TENM2: variants seen among roughly 807,000 people sequenced by gnomAD.
TENM2 encodes teneurin-2.
In TENM2, 52 loss-of-function variants were observed where a neutral mutation model predicts 245.2. That is an observed-to-expected ratio of 0.21 (90% confidence interval 0.17 to 0.27). TENM2 has a LOEUF of 0.27. Ranked by LOEUF, TENM2 falls within the 10% of genes least tolerant of loss-of-function variation. The probability of loss-of-function intolerance (pLI) is 1.00; values close to 1 mark genes in which losing one functional copy is unlikely to be tolerated. For missense variants in TENM2, 3,046 were observed against 3,666.8 expected, an observed-to-expected ratio of 0.83 and a Z score of 4.37; for synonymous variants, 1,363 against 1,438.9, an observed-to-expected ratio of 0.95 and a Z score of 1.19.
At chr5:167,820,134 C>G (rs77122124) in intron 2 of TENM2, among the ~76,000 whole-genome samples, 3,849 of 152,100 alleles carry the variant, frequency 0.025, 93 homozygotes, top group Non-Finnish European at 0.03. Context: ...TCCCTGGGCT[C>G]ATTTGCTGTG....
intron 24 of TENM2, among the ~76,000 whole-genome samples, 185 bp from the exon 27 acceptor site, chr5:168,227,710 A>T (rs1046860768): frequency 2.0e-5 from 3 of 152,068 alleles, no homozygotes; most frequent in African/African-American, 7.2e-5. Context: ...CTTTACGTGG[A>T]TCAGTAGTAT....
At chr5:168,205,226 AAG>A (rs1242389202) in intron 19 of TENM2, among the ~76,000 whole-genome samples, 1 of 152,156 alleles carries the variant, frequency 6.6e-6, no homozygotes, top group Non-Finnish European at 1.5e-5. Flanking sequence ...TCTGTAATCA[AAG>A]AGAGAAATAA....
intron 2 of TENM2, among the ~76,000 whole-genome samples, chr5:167,433,116 A>ATT (rs141516514): frequency 0.048 from 7,261 of 151,676 alleles, 231 homozygotes; most frequent in African/African-American, 0.095. Flanking sequence ...ATAAATATTG[A>ATT]ATTTTTTTTT....
At chr5:167,577,084 T>G (rs897271934) in intron 2 of TENM2, among the ~76,000 whole-genome samples, 3 of 152,154 alleles carry the variant, frequency 2.0e-5, no homozygotes, top group African/African-American at 7.2e-5. Context: ...TTGTAATCAC[T>G]GTGATAAAAT....
intron 5 of TENM2, among the ~76,000 whole-genome samples, chr5:168,018,254 A>G (rs1355300227): frequency 6.6e-6 from 1 of 151,836 alleles, no homozygotes; most frequent in African/African-American, 2.4e-5. Flanking sequence ...CTCTCTCTGA[A>G]TTTATCCAGC....
chr5:167,239,832 G>A, the TENM2 span, among the ~76,000 whole-genome samples: 1 of 152,178 alleles, frequency 6.6e-6, no homozygotes, highest in Admixed American at 6.5e-5. Context: ...GAGTGCAATG[G>A]CGTGATCTCA....
intron 9 of TENM2, among the ~76,000 whole-genome samples, chr5:168,100,619 C>T (rs1481928507): frequency 1.3e-5 from 2 of 152,214 alleles, no homozygotes; most frequent in South Asian, 2.1e-4. Context: ...TTATTCTCAA[C>T]AAACTAACAC....
intron 2 of TENM2, chr5:167,653,740 A>G (rs1334964023): frequency 6.6e-6 from 1 of 152,178 alleles, no homozygotes. Context: ...ACCAATCAAT[A>G]CGCTACATTT....
the TENM2 span, among the ~76,000 whole-genome samples, chr5:167,051,142 A>G: frequency 6.6e-6 from 1 of 151,966 alleles, no homozygotes; most frequent in Non-Finnish European, 1.5e-5. Flanking sequence ...ATATATGTGA[A>G]CTACTCCAAA....
rs569444619 is a variant in TENM2, at chr5:168,221,971, G to A, written c.5108+2972G>A. On this transcript the variant is annotated intron_variant, in intron 23 of 28. Coordinates refer to ENST00000518659, the Ensembl canonical transcript of TENM2. ...TGCAAATTAACAACAGGAGCCCTGT[G>A]CTAATCCACTGAGATAATACATTTT... is the stretch of plus-strand genomic sequence containing the variant. Among the ~76,000 whole-genome samples the A allele has an allele frequency of 3.9e-5, 6 of 152,280 alleles. No homozygotes were observed. In the East Asian group the frequency reaches 7.7e-4, roughly 20 times the overall value.
At chr5:167,021,617 A>T in the TENM2 span, among the ~76,000 whole-genome samples, 1 of 152,204 alleles carries the variant, frequency 6.6e-6, no homozygotes, top group Non-Finnish European at 1.5e-5. Context: ...CTTTTTGTAT[A>T]TAGCAGATCT....
chr5:167,404,213 CAG>C (rs1762510077), intron 2 of TENM2, among the ~76,000 whole-genome samples: 1 of 130,810 alleles, frequency 7.6e-6, no homozygotes, highest in Non-Finnish European at 1.8e-5. Context: ...AGAAGAGTGG[CAG>C]AGAGAGGCAC....
intron 13 of TENM2, chr5:168,185,196 C>T (rs996420819): frequency 1.3e-5 from 2 of 152,192 alleles, no homozygotes; most frequent in Non-Finnish European, 2.9e-5. Context: ...AGCGTCACCC[C>T]TCCTAATAAT....
the TENM2 span, among the ~76,000 whole-genome samples, chr5:167,253,469 C>A: frequency 1.5e-4 from 23 of 151,792 alleles, no homozygotes; most frequent in Non-Finnish European, 2.8e-4. Flanking sequence ...AAAAAAGTGA[C>A]CTCTCAAAGT....
At chr5:167,671,778 T>G (rs2150352410) in intron 2 of TENM2, among the ~76,000 whole-genome samples, 1 of 150,032 alleles carries the variant, frequency 6.7e-6, no homozygotes, top group Non-Finnish European at 1.5e-5. Context: ...ATATATTATA[T>G]ATTTATATAT....
chr5:167,075,224 G>A, the TENM2 span, among the ~76,000 whole-genome samples: 1 of 152,056 alleles, frequency 6.6e-6, no homozygotes, highest in Non-Finnish European at 1.5e-5. Context: ...GAGTTTCATG[G>A]GGGAGAACCT....
At chr5:167,211,462 G>A in the TENM2 span, among the ~76,000 whole-genome samples, 1 of 152,180 alleles carries the variant, frequency 6.6e-6, no homozygotes, top group Non-Finnish European at 1.5e-5. Context: ...ATACATTTAG[G>A]CATAACAGAT....
intron 2 of TENM2, among the ~76,000 whole-genome samples, chr5:167,796,042 T>C (rs553658655): frequency 2.6e-5 from 4 of 152,208 alleles, no homozygotes; most frequent in South Asian, 4.2e-4. Flanking sequence ...CTATGGATGC[T>C]AGAGAAAGTA....
At chr5:168,056,274 C>T (rs945814899) in intron 6 of TENM2, among the ~76,000 whole-genome samples, 3 of 152,224 alleles carry the variant, frequency 2.0e-5, no homozygotes, top group African/African-American at 7.2e-5. Context: ...TACAGAAAAA[C>T]ACCTTTTCTT....
Sources: allele counts gnomAD v4.1 joint callset (sites outside exome capture counted in the v4.1 genomes callset), GRCh38; gene constraint gnomAD v4.1.1; transcripts MANE v1.5; gene names NCBI Gene and HGNC (gene_info 2026-07-23, HGNC 2026-07-21).